Variants in KLRG1 observed in about 807,000 individuals in gnomAD.
The protein encoded by KLRG1 is killer cell lectin like receptor G1.
In KLRG1, 16 loss-of-function variants were observed where a neutral mutation model predicts 21.8. The observed-to-expected ratio is 0.73, with a 90% CI of 0.50 to 1.11. The LOEUF is 1.11. KLRG1 is among the 50% of genes most tolerant of loss of function. KLRG1 has a pLI of 0.00. For missense variants in KLRG1, 173 were observed against 218.3 expected (o/e 0.79, Z 1.31); for synonymous variants, 69 against 75.9 (o/e 0.91, Z 0.47).
At chr12:9,166,153 A>T in the KLRG1 span, 1 of 1,613,920 alleles carries the variant, frequency 6.2e-7, no homozygotes. Flanking sequence ...GTATCACATT[A>T]TATGTGCCTA....
At chr12:9,035,626 A>G in the KLRG1 span, among the ~76,000 whole-genome samples, 1 of 152,040 alleles carries the variant, frequency 6.6e-6, no homozygotes, top group Non-Finnish European at 1.5e-5. Context: ...CTACCATTCA[A>G]CTCAGCAATC....
the KLRG1 span, among the ~76,000 whole-genome samples, chr12:9,062,007 GATAAT>G: frequency 1.3e-5 from 2 of 150,632 alleles, no homozygotes; most frequent in African/African-American, 4.9e-5. Flanking sequence ...ACAATAGATG[GATAAT>G]ATATCTGATA....
At chr12:9,057,161 A>T in the KLRG1 span, among the ~76,000 whole-genome samples, 4 of 152,220 alleles carry the variant, frequency 2.6e-5, no homozygotes, top group Non-Finnish European at 4.4e-5. Context: ...TGAAAACAAG[A>T]TGTACAAGGG....
At chr12:9,119,160 T>TA in the KLRG1 span, among the ~76,000 whole-genome samples, 1 of 152,226 alleles carries the variant, frequency 6.6e-6, no homozygotes. Flanking sequence ...CACAACATTT[T>TA]AAAAAATTAT....
chr12:9,021,238 C>T, the KLRG1 span, among the ~76,000 whole-genome samples: 2 of 152,130 alleles, frequency 1.3e-5, no homozygotes, highest in African/African-American at 4.8e-5. Context: ...AATGACCAAT[C>T]GGTAAGTTAA....
At chr12:9,082,925 G>T in the KLRG1 span, among the ~76,000 whole-genome samples, 1 of 152,172 alleles carries the variant, frequency 6.6e-6, no homozygotes, top group Non-Finnish European at 1.5e-5. Context: ...AATCCTTTGG[G>T]TATATACCCA....
At chr12:8,980,520 C>T (rs2137286525) in intron 1 of KLRG1, among the ~76,000 whole-genome samples, 1 of 152,304 alleles carries the variant, frequency 6.6e-6, no homozygotes, top group African/African-American at 2.4e-5. Flanking sequence ...TCACCTCTTA[C>T]TGCCTGCAAG....
intron 1 of KLRG1, among the ~76,000 whole-genome samples, chr12:8,962,985 T>C (rs1161420556): frequency 1.3e-5 from 2 of 152,148 alleles, no homozygotes; most frequent in African/African-American, 4.8e-5. Context: ...AAAAATTATA[T>C]ATACTGAGCT....
the KLRG1 span, among the ~76,000 whole-genome samples, chr12:9,199,203 T>C: frequency 1.3e-5 from 2 of 152,226 alleles, no homozygotes; most frequent in Non-Finnish European, 2.9e-5. Context: ...AATCATGACA[T>C]CAGTCACTGG....
the KLRG1 span, among the ~76,000 whole-genome samples, chr12:9,024,270 G>A: frequency 5.9e-5 from 9 of 151,494 alleles, no homozygotes; most frequent in African/African-American, 1.7e-4. Context: ...CAGGTGATCC[G>A]CCCACCTCAG....
chr12:9,082,852 C>T, the KLRG1 span, among the ~76,000 whole-genome samples: 6 of 152,176 alleles, frequency 3.9e-5, no homozygotes, highest in African/African-American at 1.2e-4. Context: ...GACATAGAAA[C>T]GATTGTGAAT....
chr12:9,089,867 T>A, the KLRG1 span: 1 of 1,416,168 alleles, frequency 7.1e-7, no homozygotes. Flanking sequence ...ATATTATATA[T>A]TATTGTGGAC....
At chr12:9,102,506 G>A in the KLRG1 span, among the ~76,000 whole-genome samples, 2 of 152,090 alleles carry the variant, frequency 1.3e-5, no homozygotes, top group East Asian at 1.9e-4. Context: ...GTGAGCTACC[G>A]TGCCTGGCCT....
rs1024059955 is a variant in KLRG1 at position 8,975,720 on chromosome 12, C to T, written c.-155-16486C>T. 5.9e-5 allele frequency among the ~76,000 whole-genome samples: 9 copies of T among 152,120 alleles called. No homozygotes were observed. In the South Asian group the frequency reaches 8.3e-4, roughly 14 times the overall value. On this transcript the variant is annotated intron_variant, in intron 1 of 4. Transcript: ENST00000539240. ...CTGAGACTACAGGCATATACCATCA[C>T]ACTGGCTAATTTTTGTATTTCAGTA...
chr12:9,034,379 G>A, the KLRG1 span, among the ~76,000 whole-genome samples: 1 of 152,062 alleles, frequency 6.6e-6, no homozygotes, highest in Non-Finnish European at 1.5e-5. Context: ...ATACGGTTAT[G>A]TATGATACAT....
the KLRG1 span, chr12:9,194,187 TGAA>T: frequency 1.7e-5 from 27 of 1,613,884 alleles, no homozygotes; most frequent in South Asian, 1.2e-4. Flanking sequence ...TTCACAGAGA[TGAA>T]GAAGAGTTTA....
chr12:9,044,381 CA>C, the KLRG1 span, among the ~76,000 whole-genome samples: 2 of 151,978 alleles, frequency 1.3e-5, no homozygotes, highest in African/African-American at 4.8e-5. Context: ...AAAGTACAAA[CA>C]GGCTTGGCGT....
intron 1 of KLRG1, among the ~76,000 whole-genome samples, chr12:8,954,791 G>A (rs896000136): frequency 6.6e-6 from 1 of 152,132 alleles, no homozygotes; most frequent in Non-Finnish European, 1.5e-5. Flanking sequence ...AACACAGGAA[G>A]TGATTTTTTA....
At chr12:9,093,331 G>GTA in the KLRG1 span, 472 of 620,658 alleles carry the variant, frequency 7.6e-4, no homozygotes, top group African/African-American at 3.1e-3. Flanking sequence ...ATGTGTATGT[G>GTA]TATATATATA....
Sources: allele counts gnomAD v4.1 joint callset (sites outside exome capture counted in the v4.1 genomes callset), GRCh38; gene constraint gnomAD v4.1.1; transcripts MANE v1.5; gene names NCBI Gene and HGNC (gene_info 2026-07-23, HGNC 2026-07-21).